HPSE2: variants seen among roughly 807,000 people sequenced by gnomAD.
HPSE2 encodes the protein inactive heparanase-2.
Under a neutral mutation model 60.5 loss-of-function variants are expected in HPSE2, and 38 were observed. The ratio of observed to expected loss-of-function variants is 0.63; its 90% CI spans 0.48 to 0.82. HPSE2 has a LOEUF of 0.82. Ranked by LOEUF, HPSE2 falls within the 40% of genes least tolerant of loss-of-function variation. The pLI is 0.00. For synonymous variants in HPSE2, 295 were observed against 293.2 expected (o/e 1.01, Z -0.06); for missense variants, 713 against 740.4 (o/e 0.96, Z 0.43).
intron 6 of HPSE2, among the ~76,000 whole-genome samples, chr10:98,667,201 C>G (rs1333067798): frequency 6.6e-6 from 1 of 152,094 alleles, no homozygotes; most frequent in Non-Finnish European, 1.5e-5. Context: ...TTCCTAGAAG[C>G]ACACAACCTC....
the HPSE2 span, among the ~76,000 whole-genome samples, chr10:99,267,783 AAAAAAAC>A: frequency 5.3e-4 from 80 of 151,896 alleles, no homozygotes; most frequent in East Asian, 0.013. Flanking sequence ...CCATCAAAAA[AAAAAAAC>A]AAAAAACAAA....
At chr10:98,690,526 C>T (rs560510363) in intron 6 of HPSE2, among the ~76,000 whole-genome samples, 32 of 152,018 alleles carry the variant, frequency 2.1e-4, no homozygotes, top group East Asian at 3.9e-4. Flanking sequence ...GGTGACAGAG[C>T]GAGACTCCAT....
chr10:98,536,706 C>T (rs1026508449), intron 9 of HPSE2, among the ~76,000 whole-genome samples: 2 of 152,164 alleles, frequency 1.3e-5, no homozygotes, highest in Non-Finnish European at 1.5e-5. Flanking sequence ...TACATATTCA[C>T]TGTCTCACCC....
intron 2 of HPSE2, among the ~76,000 whole-genome samples, chr10:99,217,921 T>C (rs1421593824): frequency 6.6e-6 from 1 of 152,098 alleles, no homozygotes; most frequent in Non-Finnish European, 1.5e-5. Flanking sequence ...CTAATACTAA[T>C]GGACAGCTAG....
chr10:98,818,596 T>C (rs539703165), intron 3 of HPSE2, among the ~76,000 whole-genome samples: 6 of 152,264 alleles, frequency 3.9e-5, no homozygotes, highest in African/African-American at 7.2e-5. Context: ...CAAAGCAATA[T>C]TGCCTTCCAA....
intron 6 of HPSE2, among the ~76,000 whole-genome samples, chr10:98,684,766 C>A (rs576774329): frequency 1.3e-5 from 2 of 151,966 alleles, no homozygotes; most frequent in East Asian, 3.9e-4. Flanking sequence ...AAGGGAGGAG[C>A]TGGGCACTGA....
intron 9 of HPSE2, among the ~76,000 whole-genome samples, chr10:98,602,794 C>T (rs985892938): frequency 1.3e-5 from 2 of 152,042 alleles, no homozygotes; most frequent in Non-Finnish European, 2.9e-5. Context: ...ATATCATGTA[C>T]AAAAATTAAC....
At chr10:98,797,818 T>TG (rs1165457282) in intron 3 of HPSE2, among the ~76,000 whole-genome samples, 1 of 151,858 alleles carries the variant, frequency 6.6e-6, no homozygotes, top group Admixed American at 6.6e-5. Context: ...TACTCCAGCC[T>TG]GGGCGACAAA....
chr10:98,573,722 A>G (rs1057043029), intron 9 of HPSE2, among the ~76,000 whole-genome samples: 2 of 152,226 alleles, frequency 1.3e-5, no homozygotes, highest in African/African-American at 4.8e-5. Context: ...TCTGCAAAGG[A>G]AACCAGGCTC....
intron 2 of HPSE2, among the ~76,000 whole-genome samples, chr10:99,224,948 G>A (rs778193598): frequency 8.6e-5 from 13 of 152,006 alleles, no homozygotes; most frequent in African/African-American, 2.9e-4. Context: ...CAGTAGGCAC[G>A]TGGCCACAAT....
chr10:98,470,313 C>A (rs1469822614), intron 11 of HPSE2, among the ~76,000 whole-genome samples: 1 of 152,200 alleles, frequency 6.6e-6, no homozygotes, highest in East Asian at 1.9e-4. Context: ...CCAGATCCCA[C>A]AGATATCCAA....
At chr10:98,788,509 C>G (rs1423901451) in intron 3 of HPSE2, among the ~76,000 whole-genome samples, 1 of 150,246 alleles carries the variant, frequency 6.7e-6, no homozygotes, top group African/African-American at 2.5e-5. Flanking sequence ...TTTACGTAAG[C>G]AAGCCTGGGC....
chr10:99,164,094 A>G (rs1463709073), intron 2 of HPSE2, among the ~76,000 whole-genome samples: 1 of 150,982 alleles, frequency 6.6e-6, no homozygotes, highest in African/African-American at 2.4e-5. Context: ...GCAATCCTCA[A>G]TGGATCTCAC....
rs1262080929 is a variant in HPSE2 at position 98,852,153 on chromosome 10, GTGTGTGTGTGTGTATA to G, written c.611-108113_611-108098del. Among the ~76,000 whole-genome samples, 161 of 131,080 alleles carry G rather than the reference GTGTGTGTGTGTGTATA, an allele frequency of 1.2e-3. 1 individual carries two copies. Among genetic ancestry groups the G allele is most frequent in the African/African-American group, 4.6e-3 (136 of 29,706 alleles). 86.0% of individuals were successfully genotyped at this position (131,080 alleles called of 152,430 possible). ...TGTGTGTGTGTGTGTGTGTGTGTGTGTGTGTGTGTGTGTATATATGTTTGGTTTTCATCCATCCTTC... is the reference window on the plus strand; with the variant it reads ...TGTGTGTGTGTGTGTGTGTGTGTGTGTATGTTTGGTTTTCATCCATCCTTC... On this transcript the variant is annotated intron_variant, in intron 3 of 11. Coordinates refer to ENST00000370552, the MANE Select transcript of HPSE2 (RefSeq NM_021828.5).
At chr10:99,200,492 T>C (rs771557144) in intron 2 of HPSE2, among the ~76,000 whole-genome samples, 1 of 152,118 alleles carries the variant, frequency 6.6e-6, no homozygotes, top group Non-Finnish European at 1.5e-5. Flanking sequence ...TGACATTTAT[T>C]AGCAGTACAA....
At chr10:98,466,039 G>A (rs1054869494) in intron 11 of HPSE2, among the ~76,000 whole-genome samples, 10 of 152,208 alleles carry the variant, frequency 6.6e-5, no homozygotes, top group Middle Eastern at 3.4e-3. Context: ...GCTACCCTCC[G>A]CCCACCTGTC....
chr10:98,544,591 T>C (rs563963773), intron 9 of HPSE2, among the ~76,000 whole-genome samples: 2 of 151,268 alleles, frequency 1.3e-5, no homozygotes, highest in South Asian at 2.1e-4. Context: ...CGGGCGCCTG[T>C]AGTCCCAGCT....
intron 3 of HPSE2, among the ~76,000 whole-genome samples, chr10:98,796,987 T>C (rs962869804): frequency 6.6e-6 from 1 of 152,232 alleles, no homozygotes; most frequent in Non-Finnish European, 1.5e-5. Context: ...CAAGTCCCTT[T>C]GAATACCTGG....
chr10:98,546,463 T>C (rs1188119172), intron 9 of HPSE2, among the ~76,000 whole-genome samples: 2 of 149,992 alleles, frequency 1.3e-5, no homozygotes, highest in African/African-American at 2.4e-5. Flanking sequence ...GAGATATAGA[T>C]CAATGGAACA....
Sources: gnomAD v4.1 joint callset for allele counts (sites outside exome capture counted in the v4.1 genomes callset) on GRCh38, gnomAD v4.1.1 for gene constraint, MANE v1.5 for transcripts, NCBI Gene and HGNC (gene_info 2026-07-23, HGNC 2026-07-21) for gene names.